The following SYNPR variants were observed in gnomAD, a reference collection of about 807,000 sequenced individuals.
SYNPR encodes the protein synaptoporin.
A neutral mutation model predicts 32.9 loss-of-function variants in SYNPR; 23 were observed. That is an observed-to-expected ratio of 0.70 (90% CI 0.50 to 0.99). SYNPR has a LOEUF of 0.99. Among genes scored for constraint, SYNPR ranks in the 50% least tolerant of loss-of-function variants. SYNPR has a pLI of 0.00. For synonymous variants in SYNPR, 146 were observed against 135.9 expected, an observed-to-expected ratio of 1.07 and a Z score of -0.52; for missense variants, 318 against 349.3, an observed-to-expected ratio of 0.91 and a Z score of 0.71.
intron 3 of SYNPR, among the ~76,000 whole-genome samples, chr3:63,515,795 G>T (rs956986498): frequency 2.6e-5 from 4 of 152,072 alleles, no homozygotes; most frequent in African/African-American, 9.7e-5. Context: ...AAATTTGTTT[G>T]TATGTGTATA....
At chr3:63,604,187 G>A (rs6766243) in intron 4 of SYNPR, among the ~76,000 whole-genome samples, 6,556 of 152,128 alleles carry the variant, frequency 0.043, 333 homozygotes, top group African/African-American at 0.12. Context: ...GGAGTCAGTG[G>A]TAATATCCCC....
chr3:63,344,550 A>ATTTTTTTTTT (rs10627844), intron 2 of SYNPR, among the ~76,000 whole-genome samples: 1 of 130,576 alleles, frequency 7.7e-6, no homozygotes, highest in Non-Finnish European at 1.6e-5. Flanking sequence ...TTCAAAAAAG[A>ATTTTTTTTTT]TTTTTTTTTT....
At chr3:63,406,581 T>A (rs2088363424) in intron 2 of SYNPR, among the ~76,000 whole-genome samples, 1 of 152,056 alleles carries the variant, frequency 6.6e-6, no homozygotes, top group Non-Finnish European at 1.5e-5. Flanking sequence ...CGTGGCACAT[T>A]ACTGCCTGTC....
chr3:63,264,690 G>T (rs2086465909), intron 2 of SYNPR, among the ~76,000 whole-genome samples: 2 of 152,276 alleles, frequency 1.3e-5, no homozygotes, highest in South Asian at 2.1e-4. Context: ...ACCCCAGACT[G>T]GGTAATTTAT....
chr3:63,455,414 G>A (rs1700464142), intron 2 of SYNPR, among the ~76,000 whole-genome samples: 1 of 152,020 alleles, frequency 6.6e-6, no homozygotes, highest in South Asian at 2.1e-4. Context: ...TTTCTACAGT[G>A]AAATAATGAC....
chr3:63,234,068 A>C (rs538487521), intron 1 of SYNPR, among the ~76,000 whole-genome samples: 2 of 152,318 alleles, frequency 1.3e-5, no homozygotes, highest in East Asian at 3.9e-4. Context: ...GGCATACCTG[A>C]GACTGGGAAA....
intron 3 of SYNPR, among the ~76,000 whole-genome samples, chr3:63,482,903 G>T (rs546468556): frequency 6.6e-6 from 1 of 152,284 alleles, no homozygotes; most frequent in African/African-American, 2.4e-5. Flanking sequence ...ATTTGTTTCA[G>T]AAGAAGTACG....
chr3:63,291,974 G>A lies in SYNPR; in HGVS notation c.84+13232G>A, dbSNP rs1040010121. On this transcript the variant is annotated intron_variant, in intron 2 of 5. Transcript: ENST00000478300. ...TACTTACACAAACCTAAATGGGATA[G>A]CCTACTACACACCTAGGCTACATGT... Among the ~76,000 whole-genome samples the A allele has an allele frequency of 4.6e-5, 7 of 152,222 alleles. No homozygotes were observed. The East Asian group carries it at 9.7e-4, about 21-fold the overall frequency.
intron 3 of SYNPR, among the ~76,000 whole-genome samples, chr3:63,527,977 T>C (rs1372050010): frequency 6.6e-6 from 1 of 152,192 alleles, no homozygotes; most frequent in African/African-American, 2.4e-5. Flanking sequence ...TTATATTAAA[T>C]AATGCATAGA....
intron 3 of SYNPR, among the ~76,000 whole-genome samples, chr3:63,543,922 G>C (rs1211252336): frequency 6.6e-6 from 1 of 152,090 alleles, no homozygotes; most frequent in African/African-American, 2.4e-5. Context: ...TTGGGAATAA[G>C]GTGGGTGGCG....
chr3:63,288,579 A>G (rs1365782094), intron 2 of SYNPR, among the ~76,000 whole-genome samples: 1 of 152,190 alleles, frequency 6.6e-6, no homozygotes, highest in African/African-American at 2.4e-5. Flanking sequence ...CCATTTGTTG[A>G]AAACCTCTTT....
chr3:63,461,209 A>G (rs1700579282), intron 2 of SYNPR, among the ~76,000 whole-genome samples: 1 of 152,120 alleles, frequency 6.6e-6, no homozygotes, highest in Non-Finnish European at 1.5e-5. Flanking sequence ...ATAGTACATG[A>G]TAAATGGGTT....
chr3:63,615,631 G>C lies in SYNPR; in HGVS notation c.*150G>C. 1 of 1,096,276 alleles carries C rather than the reference G, an allele frequency of 9.1e-7. No individual in the cohort carries two copies. The highest frequency in any genetic ancestry group is 1.3e-6 in the Non-Finnish European group (1 of 788,960). 67.9% of individuals were successfully genotyped at this position (1,096,276 alleles called of 1,614,324 possible). ...AGTCTTCATTAAGGCAGCAAGTCCT[G>C]GGTTGTGAAAAATGATACTTAGAGA... On this transcript the variant is annotated 3_prime_UTR_variant, in exon 6 of 6. Coordinates refer to ENST00000478300, the MANE Select transcript of SYNPR (RefSeq NM_001130003.2).
intron 3 of SYNPR, among the ~76,000 whole-genome samples, chr3:63,525,327 T>C (rs1701992064): frequency 6.6e-6 from 1 of 152,208 alleles, no homozygotes; most frequent in Non-Finnish European, 1.5e-5. Context: ...GTGGAACTTT[T>C]GGACCACAGA....
intron 3 of SYNPR, among the ~76,000 whole-genome samples, chr3:63,505,703 A>G (rs1451502939): frequency 6.6e-6 from 1 of 152,202 alleles, no homozygotes; most frequent in Non-Finnish European, 1.5e-5. Context: ...TATACAAGAT[A>G]AATATTTTAT....
At chr3:63,335,419 G>A (rs11716505) in intron 2 of SYNPR, among the ~76,000 whole-genome samples, 19,266 of 151,548 alleles carry the variant, frequency 0.13, 1,339 homozygotes, top group Non-Finnish European at 0.16. Flanking sequence ...ATAAGTGTTG[G>A]GTTTGGTGCA....
At chr3:63,347,614 C>T (rs959226086) in intron 2 of SYNPR, among the ~76,000 whole-genome samples, 2 of 152,096 alleles carry the variant, frequency 1.3e-5, no homozygotes, top group East Asian at 3.9e-4. Flanking sequence ...TAAATAATTT[C>T]TCATCCCTCA....
intron 3 of SYNPR, among the ~76,000 whole-genome samples, chr3:63,520,735 G>A (rs1701896007): frequency 6.6e-6 from 1 of 152,064 alleles, no homozygotes; most frequent in South Asian, 2.1e-4. Flanking sequence ...GGCAGAAAGG[G>A]AGTACCCAGC....
chr3:63,357,633 G>A (rs2087600930), intron 2 of SYNPR, among the ~76,000 whole-genome samples: 1 of 152,162 alleles, frequency 6.6e-6, no homozygotes, highest in Non-Finnish European at 1.5e-5. Context: ...TCAGGGGAGA[G>A]GGAGGTAGGA....
Sources: allele counts gnomAD v4.1 joint callset (sites outside exome capture counted in the v4.1 genomes callset), GRCh38; gene constraint gnomAD v4.1.1; transcripts MANE v1.5; gene names NCBI Gene and HGNC (gene_info 2026-07-23, HGNC 2026-07-21).